KCNQ5: variants seen among roughly 807,000 people sequenced by gnomAD.
The protein encoded by KCNQ5 is potassium voltage-gated channel subfamily KQT member 5.
Under a neutral mutation model 98.2 loss-of-function variants are expected in KCNQ5, and 30 were observed. The ratio of observed to expected loss-of-function variants is 0.31; its 90% CI spans 0.23 to 0.41. The LOEUF (loss-of-function observed/expected upper bound fraction) is 0.41. Ranked by LOEUF, KCNQ5 falls within the 10% of genes least tolerant of loss-of-function variation. KCNQ5 has a pLI of 1.00. For missense variants in KCNQ5, 835 were observed against 1,182.5 expected (o/e 0.71, Z 4.31); for synonymous variants, 458 against 449.4 (o/e 1.02, Z -0.24).
At position 73,106,248 on chromosome 6, in the gene KCNQ5, A is replaced by G. The variant is rs1314740243; in HGVS notation, c.1029+881A>G. On this transcript the variant is annotated intron_variant, in intron 6 of 13. Transcript: ENST00000370398. Reference sequence around the variant, plus strand: ...GTGCAGAGAACACCCTTGTCCCACCAGTGCCCAACTTGAGATTCACCAGAT... The same window carrying G: ...GTGCAGAGAACACCCTTGTCCCACCGGTGCCCAACTTGAGATTCACCAGAT... Among the ~76,000 whole-genome samples, 4 of 152,298 alleles carry G rather than the reference A, an allele frequency of 2.6e-5. No homozygotes were observed. In the South Asian group the frequency reaches 8.3e-4, roughly 32 times the overall value.
intron 1 of KCNQ5, among the ~76,000 whole-genome samples, chr6:72,673,102 T>A (rs1186229009): frequency 6.6e-6 from 1 of 152,146 alleles, no homozygotes; most frequent in East Asian, 1.9e-4. Flanking sequence ...GGCTGTGGAA[T>A]CCCATTTGTG....
At chr6:73,173,863 C>T (rs1036989854) in intron 11 of KCNQ5, among the ~76,000 whole-genome samples, 5 of 150,482 alleles carry the variant, frequency 3.3e-5, no homozygotes, top group African/African-American at 1.2e-4. Context: ...TATGGAAGAG[C>T]CCCAGAATAA....
chr6:73,184,136 A>G (rs1157697271), intron 11 of KCNQ5, among the ~76,000 whole-genome samples: 1 of 152,144 alleles, frequency 6.6e-6, no homozygotes, highest in Non-Finnish European at 1.5e-5. Context: ...ATGTTGTAGT[A>G]TTACATATTT....
chr6:72,857,544 A>G (rs1283228649), intron 1 of KCNQ5, among the ~76,000 whole-genome samples: 1 of 152,208 alleles, frequency 6.6e-6, no homozygotes, highest in African/African-American at 2.4e-5. Flanking sequence ...TGCCTCAGTA[A>G]TGACCTTGAT....
intron 1 of KCNQ5, among the ~76,000 whole-genome samples, chr6:72,893,944 C>T (rs898661537): frequency 1.3e-5 from 2 of 152,174 alleles, no homozygotes; most frequent in Admixed American, 6.5e-5. Flanking sequence ...TTCTGATGTT[C>T]TAATACTATA....
At chr6:73,127,069 T>A (rs907521191) in intron 9 of KCNQ5, among the ~76,000 whole-genome samples, 1 of 152,208 alleles carries the variant, frequency 6.6e-6, no homozygotes, top group Non-Finnish European at 1.5e-5. Context: ...GAATTTATAA[T>A]CCTGCATAAT....
At chr6:72,672,254 C>A (rs112943727) in intron 1 of KCNQ5, among the ~76,000 whole-genome samples, 2 of 151,752 alleles carry the variant, frequency 1.3e-5, no homozygotes, top group African/African-American at 4.8e-5. Context: ...TCCAGGACCA[C>A]GCCTGGCTAA....
intron 1 of KCNQ5, among the ~76,000 whole-genome samples, chr6:72,739,819 A>G (rs1355221444): frequency 1.3e-5 from 2 of 152,220 alleles, no homozygotes; most frequent in Non-Finnish European, 2.9e-5. Flanking sequence ...CACTATAAAT[A>G]TATAAAATGA....
intron 5 of KCNQ5, among the ~76,000 whole-genome samples, chr6:73,085,839 C>T (rs116620568): frequency 0.012 from 1,869 of 152,134 alleles, 38 homozygotes; most frequent in African/African-American, 0.042. Context: ...AGCACTGGGC[C>T]GAGCAAATGT....
At chr6:72,920,475 C>G (rs995276631) in intron 1 of KCNQ5, among the ~76,000 whole-genome samples, 1 of 152,164 alleles carries the variant, frequency 6.6e-6, no homozygotes, top group Admixed American at 6.6e-5. Context: ...CGTGACCCTA[C>G]GCAGATCATT....
intron 1 of KCNQ5, among the ~76,000 whole-genome samples, chr6:72,706,322 T>A (rs1157450180): frequency 8.5e-6 from 1 of 117,130 alleles, no homozygotes; most frequent in Non-Finnish European, 1.7e-5. Flanking sequence ...TCTGATAAAT[T>A]TAATATTTTA....
intron 1 of KCNQ5, among the ~76,000 whole-genome samples, chr6:72,877,228 C>T (rs943828612): frequency 6.6e-6 from 1 of 152,062 alleles, no homozygotes; most frequent in Non-Finnish European, 1.5e-5. Context: ...CCGACCCCCC[C>T]GACAGGCCCT....
chr6:72,941,512 C>T (rs1766275949), intron 1 of KCNQ5, among the ~76,000 whole-genome samples: 1 of 138,596 alleles, frequency 7.2e-6, no homozygotes, highest in Non-Finnish European at 1.6e-5. Context: ...TTTTCTCTCC[C>T]TCCCTTCCTT....
intron 11 of KCNQ5, among the ~76,000 whole-genome samples, chr6:73,189,868 G>A (rs1765519449): frequency 6.6e-6 from 1 of 151,990 alleles, no homozygotes; most frequent in Non-Finnish European, 1.5e-5. Flanking sequence ...CCCAAGCTTA[G>A]TTAAGAAATG....
chr6:73,057,954 T>G (rs765387133), intron 3 of KCNQ5, among the ~76,000 whole-genome samples: 63 of 152,058 alleles, frequency 4.1e-4, no homozygotes, highest in Non-Finnish European at 7.6e-4. Flanking sequence ...CACAAACCAT[T>G]TGATCTTAAA....
At chr6:73,142,369 CT>C (rs1480440694) in intron 10 of KCNQ5, among the ~76,000 whole-genome samples, 1 of 152,120 alleles carries the variant, frequency 6.6e-6, no homozygotes, top group African/African-American at 2.4e-5. Flanking sequence ...TCCCTATTGT[CT>C]TTCCAGGAAC....
chr6:72,762,711 A>T (rs186997923), intron 1 of KCNQ5, among the ~76,000 whole-genome samples: 123 of 152,204 alleles, frequency 8.1e-4, no homozygotes, highest in Admixed American at 2.1e-3. Flanking sequence ...AGAGGATGAT[A>T]GTGTGTTGTG....
chr6:72,818,827 TTAAA>T (rs1471955672), intron 1 of KCNQ5, among the ~76,000 whole-genome samples: 1 of 151,382 alleles, frequency 6.6e-6, no homozygotes, highest in Admixed American at 6.6e-5. Context: ...TAGTATTTGT[TTAAA>T]TAATCTTTGA....
intron 1 of KCNQ5, among the ~76,000 whole-genome samples, chr6:72,789,412 A>G (rs1274140960): frequency 6.6e-6 from 1 of 152,190 alleles, no homozygotes; most frequent in Non-Finnish European, 1.5e-5. Flanking sequence ...TGAAACTGAA[A>G]CTCAGGTGTT....
Sources: gnomAD v4.1 joint callset for allele counts (sites outside exome capture counted in the v4.1 genomes callset) on GRCh38, gnomAD v4.1.1 for gene constraint, MANE v1.5 for transcripts, NCBI Gene and HGNC (gene_info 2026-07-23, HGNC 2026-07-21) for gene names.